PLCG2: variants seen among roughly 807,000 people sequenced by gnomAD.
The protein encoded by PLCG2 is 1-phosphatidylinositol 4,5-bisphosphate phosphodiesterase gamma-2.
PLCG2 carries 69 observed loss-of-function variants against 175.6 expected under a neutral mutation model. The observed-to-expected ratio is 0.39, with a 90% CI of 0.32 to 0.48. PLCG2 has a LOEUF of 0.48. PLCG2 is among the 20% of genes least tolerant of loss of function. PLCG2 has a pLI of 0.91. For missense variants in PLCG2, 1,798 were observed against 1,650.9 expected, an observed-to-expected ratio of 1.09 and a Z score of -1.54; for synonymous variants, 827 against 624.0, an observed-to-expected ratio of 1.33 and a Z score of -4.85.
chr16:81,775,096 C>T (rs969625197), upstream of PLCG2, among the ~76,000 whole-genome samples: 2 of 152,126 alleles, frequency 1.3e-5, no homozygotes, highest in Non-Finnish European at 2.9e-5. Context: ...ACATCCCATG[C>T]AACTCATGCA....
rs75004072 is a variant in PLCG2 at position 81,796,996 on chromosome 16, G to C, written c.193+10814G>C. Among the ~76,000 whole-genome samples, 4 of 152,346 alleles carry C rather than the reference G, an allele frequency of 2.6e-5. No individual in the cohort carries two copies. In the East Asian group the frequency reaches 7.7e-4, roughly 29 times the overall value. ...CCATTCAGCCACTGATACTATGGAT[G>C]GGTTGTGGTTTGTCATAACGGAATT... On this transcript the variant is annotated intron_variant, in intron 2 of 32. Coordinates refer to ENST00000564138, the MANE Select transcript of PLCG2 (RefSeq NM_002661.5).
intron 2 of PLCG2, among the ~76,000 whole-genome samples, chr16:81,801,163 G>A (rs979211401): frequency 8.5e-5 from 13 of 152,170 alleles, no homozygotes; most frequent in African/African-American, 1.2e-4. Flanking sequence ...GTAGCGTAGC[G>A]ATTGAGAATA....
intron 2 of PLCG2, among the ~76,000 whole-genome samples, chr16:81,847,052 GT>G (rs1567495618): frequency 6.6e-6 from 1 of 152,216 alleles, no homozygotes; most frequent in Non-Finnish European, 1.5e-5. Context: ...TCAGGTGCCA[GT>G]CACAAGCCCA....
Position 81,816,651 on chromosome 16 carries a change from ATT to A in PLCG2, c.193+30498_193+30499del, listed in dbSNP as rs71146047. 8.3e-3 allele frequency among the ~76,000 whole-genome samples: 900 copies of A among 108,676 alleles called. 88 individuals are homozygous for A. The highest frequency in any genetic ancestry group is 0.023 in the African/African-American group (597 of 26,434). 71.3% of individuals were successfully genotyped at this position (108,676 alleles called of 152,430 possible). A position where few individuals can be genotyped will look rare whatever the true frequency, so the allele number is the denominator to read the frequency against. On this transcript the variant is annotated intron_variant, in intron 2 of 32. Transcript: ENST00000564138. Reference sequence around the variant, plus strand: ...GCACCACCATGCCCAGCTAATTTTAATTTTTTTTTTTTTTTTTTTTTTTTTTT... The same window carrying A: ...GCACCACCATGCCCAGCTAATTTTAATTTTTTTTTTTTTTTTTTTTTTTTT...
chr16:81,821,818 A>G (rs1904811756), intron 2 of PLCG2, among the ~76,000 whole-genome samples: 1 of 152,174 alleles, frequency 6.6e-6, no homozygotes, highest in African/African-American at 2.4e-5. Flanking sequence ...TTTTACTGCA[A>G]ACAACTTTTG....
intron 7 of PLCG2, among the ~76,000 whole-genome samples, chr16:81,876,856 C>T (rs1475264988): frequency 1.3e-5 from 2 of 152,160 alleles, no homozygotes; most frequent in African/African-American, 2.4e-5. Context: ...ACGGTGCACC[C>T]GTAGCATCTA....
intron 30 of PLCG2, among the ~76,000 whole-genome samples, chr16:81,945,042 G>A (rs1053125559): frequency 6.6e-6 from 1 of 152,166 alleles, no homozygotes; most frequent in African/African-American, 2.4e-5. Context: ...TATATACCAT[G>A]TCCATACAGA....
At position 81,900,649 on chromosome 16, in the gene PLCG2, G is replaced by C. The variant is rs1490470559; in HGVS notation, c.1231G>C (p.Val411Leu). Residue 411 changes from valine (V) to leucine (L), a missense_variant, in exon 14 of 33, where the codon GTG (valine) becomes CTG (leucine). Physicochemically the swap from Val to Leu is conservative, Grantham distance 32. Coordinates refer to ENST00000564138, the MANE Select transcript of PLCG2 (RefSeq NM_002661.5). ...VILSIEEHCS[V>L]EQQRHMAKAF... is the part of the protein sequence containing the mutation. ...CCTGTCCATCGAGGAGCACTGCAGC[G>C]TGGAGCAACAGCGTCACATGGCCAA... 1 of 1,611,384 alleles carries C rather than the reference G, an allele frequency of 6.2e-7. No individual in the cohort carries two copies. The highest frequency in any genetic ancestry group is 1.3e-5 in the African/African-American group (1 of 74,896).
At chr16:81,856,071 C>T (rs1161734056) in intron 3 of PLCG2, among the ~76,000 whole-genome samples, 1 of 152,158 alleles carries the variant, frequency 6.6e-6, no homozygotes, top group Non-Finnish European at 1.5e-5. Context: ...CTCTTGGTCC[C>T]TCTTCCGGAA....
chr16:81,854,422 G>A lies in PLCG2; in HGVS notation c.194-22G>A, dbSNP rs377104277. Reference sequence around the variant, plus strand: ...TGGAGGGAACTCCAGCTTCTAATTGGCTCATGTTAATTTCATTTTAGTGGA... The same window carrying A: ...TGGAGGGAACTCCAGCTTCTAATTGACTCATGTTAATTTCATTTTAGTGGA... On this transcript the variant is annotated intron_variant, in intron 2 of 32. Coordinates refer to ENST00000564138, the MANE Select transcript of PLCG2 (RefSeq NM_002661.5). 6 of 1,611,970 alleles carry A rather than the reference G, an allele frequency of 3.7e-6. No individual in the cohort carries two copies. In the East Asian group the frequency reaches 1.1e-4, roughly 30 times the overall value.
intron 2 of PLCG2, among the ~76,000 whole-genome samples, chr16:81,847,395 A>C (rs1179363552): frequency 1.3e-5 from 2 of 152,156 alleles, no homozygotes; most frequent in Non-Finnish European, 2.9e-5. Context: ...ATTGGTGACC[A>C]ACTCAGTCTT....
intron 2 of PLCG2, among the ~76,000 whole-genome samples, chr16:81,769,155 C>T (rs142196534): frequency 1.1e-3 from 171 of 152,326 alleles, no homozygotes; most frequent in African/African-American, 4.0e-3. Context: ...AGTTTCTCTG[C>T]TCCCCCACAA....
At chr16:81,745,543 T>A (rs1315465417) in intron 1 of PLCG2, among the ~76,000 whole-genome samples, 1 of 152,140 alleles carries the variant, frequency 6.6e-6, no homozygotes. Flanking sequence ...CATATGGTAA[T>A]TACCAGCTGG....
intron 2 of PLCG2, among the ~76,000 whole-genome samples, chr16:81,796,199 A>C (rs562352510): frequency 1.7e-4 from 26 of 152,362 alleles, no homozygotes; most frequent in African/African-American, 6.0e-4. Context: ...GATGTCTCTT[A>C]GACAGCCTCA....
At chr16:81,903,082 C>G (rs1457307370) in intron 14 of PLCG2, among the ~76,000 whole-genome samples, 2 of 152,122 alleles carry the variant, frequency 1.3e-5, no homozygotes, top group Non-Finnish European at 2.9e-5. Flanking sequence ...CCAAAGCTAC[C>G]ATCTCCAAAT....
chr16:81,850,895 A>T (rs1166979143), intron 2 of PLCG2, among the ~76,000 whole-genome samples: 1 of 152,138 alleles, frequency 6.6e-6, no homozygotes, highest in African/African-American at 2.4e-5. Context: ...CTTGAGTAAG[A>T]TTTAAGATGG....
chr16:81,935,636 G>C (rs1321107597), intron 26 of PLCG2: 1 of 985,276 alleles, frequency 1.0e-6, no homozygotes, highest in Admixed American at 6.1e-5. Flanking sequence ...GGCTCAGCAT[G>C]TTGACTGCCG....
rs147007515 is a variant in PLCG2, at chr16:81,916,370, A to G, written c.2055-3114A>G. ...ACAAAAAGTCTCTCTATAGTGCAAA[A>G]AATGCCTTTTCTTGATTTTTTTCCC... On this transcript the variant is annotated intron_variant, in intron 19 of 32. Transcript: ENST00000564138. Among the ~76,000 whole-genome samples, 302 of 152,286 alleles carry G rather than the reference A, an allele frequency of 2.0e-3. 1 individual carries two copies. Among genetic ancestry groups the G allele is most frequent in the African/African-American group, 6.9e-3 (286 of 41,576 alleles).
upstream of PLCG2, among the ~76,000 whole-genome samples, chr16:81,775,080 T>A (rs1443763890): frequency 6.6e-6 from 1 of 152,138 alleles, no homozygotes; most frequent in African/African-American, 2.4e-5. Context: ...TCTTGAGATA[T>A]AATTCACATC....
Sources: gnomAD v4.1 joint callset for allele counts (sites outside exome capture counted in the v4.1 genomes callset) on GRCh38, gnomAD v4.1.1 for gene constraint, MANE v1.5 for transcripts, NCBI Gene and HGNC (gene_info 2026-07-23, HGNC 2026-07-21) for gene names.